Variants in METTL15 observed in about 807,000 individuals in gnomAD.
The protein encoded by METTL15 is 12S rRNA N(4)-cytidine methyltransferase METTL15.
A neutral mutation model predicts 38.3 loss-of-function variants in METTL15; 34 were observed. That is an observed-to-expected ratio of 0.89 (90% CI 0.68 to 1.18). METTL15 has a LOEUF of 1.18. Ranked by LOEUF, METTL15 falls within the 50% of genes most tolerant of loss-of-function variation. The pLI, the probability that METTL15 is intolerant of heterozygous loss-of-function variation, is 0.00. For synonymous variants in METTL15, 162 were observed against 170.9 expected (o/e 0.95, Z 0.41); for missense variants, 438 against 498.4 (o/e 0.88, Z 1.15).
At chr11:28,152,588 G>T (rs2133689814) in intron 3 of METTL15, among the ~76,000 whole-genome samples, 1 of 151,818 alleles carries the variant, frequency 6.6e-6, no homozygotes, top group South Asian at 2.1e-4. Context: ...TTTTGAAAAA[G>T]TAAAATACAG....
chr11:28,384,553 A>G (rs1421262951), intron 5 of METTL15, among the ~76,000 whole-genome samples: 3 of 152,002 alleles, frequency 2.0e-5, no homozygotes, highest in Admixed American at 2.0e-4. Flanking sequence ...CAGATGATGC[A>G]CTTGCCTTGG....
intron 6 of METTL15, among the ~76,000 whole-genome samples, chr11:28,438,969 GC>G (rs1449555476): frequency 1.8e-4 from 28 of 151,380 alleles, no homozygotes; most frequent in Non-Finnish European, 2.9e-5. Context: ...GAGCCACCGC[GC>G]CCAGCCAGAC....
At chr11:28,529,322 GCT>G (rs936962476), downstream of METTL15, among the ~76,000 whole-genome samples, 5 of 152,052 alleles carry the variant, frequency 3.3e-5, no homozygotes, top group Non-Finnish European at 7.4e-5. Flanking sequence ...AAGGGCAGAA[GCT>G]CTGTCATCTG....
chr11:28,254,849 T>C (rs1364969282), intron 4 of METTL15, among the ~76,000 whole-genome samples: 1 of 152,108 alleles, frequency 6.6e-6, no homozygotes, highest in East Asian at 1.9e-4. Flanking sequence ...CTGTTTAGGC[T>C]GTTTTGGTTA....
chr11:28,455,216 C>CTTTTTT (rs34686157), intron 6 of METTL15, among the ~76,000 whole-genome samples: 3 of 85,830 alleles, frequency 3.5e-5, no homozygotes, highest in African/African-American at 8.9e-5. Context: ...GATCAGCTAG[C>CTTTTTT]TTTTTTTTTT....
intron 6 of METTL15, among the ~76,000 whole-genome samples, chr11:28,445,084 AGT>A (rs1851064331): frequency 6.6e-6 from 1 of 152,130 alleles, no homozygotes; most frequent in South Asian, 2.1e-4. Flanking sequence ...ATGAGGATGA[AGT>A]GGAAAGCAGG....
chr11:28,352,991 G>A (rs1247779210), intron 4 of METTL15, among the ~76,000 whole-genome samples: 1 of 152,174 alleles, frequency 6.6e-6, no homozygotes, highest in Non-Finnish European at 1.5e-5. Context: ...ATTTTGTCAG[G>A]CATCAGTAGG....
intron 6 of METTL15, among the ~76,000 whole-genome samples, chr11:28,458,282 C>T (rs1411200929): frequency 6.6e-6 from 1 of 152,044 alleles, no homozygotes; most frequent in Non-Finnish European, 1.5e-5. Flanking sequence ...TTTATCTATT[C>T]TTTTTTCTTC....
At position 28,235,125 on chromosome 11, in the gene METTL15, G is replaced by A. The variant is rs1486222433; in HGVS notation, c.407+23927G>A. ...AATATCAGATAGTTGTAGATATGAG[G>A]CGTTATTTCTGAGGGGTCTGTTCTG... On this transcript the variant is annotated intron_variant, in intron 4 of 6. Coordinates refer to ENST00000407364, the MANE Select transcript of METTL15 (RefSeq NM_001113528.2). 2.6e-5 allele frequency among the ~76,000 whole-genome samples: 4 copies of A among 152,032 alleles called. No individual in the cohort carries two copies. In the South Asian group the frequency reaches 6.2e-4, roughly 24 times the overall value.
At chr11:28,407,372 G>A (rs1345214584) in intron 5 of METTL15, among the ~76,000 whole-genome samples, 1 of 152,124 alleles carries the variant, frequency 6.6e-6, no homozygotes, top group East Asian at 1.9e-4. Context: ...AGAGTGAATG[G>A]ACAACCTGTG....
intron 4 of METTL15, among the ~76,000 whole-genome samples, chr11:28,285,002 G>A (rs1436987310): frequency 1.3e-5 from 2 of 152,132 alleles, no homozygotes; most frequent in Admixed American, 6.6e-5. Flanking sequence ...CCCCCATGCT[G>A]TTCTGGTGAT....
At chr11:28,395,780 A>G (rs1221052044) in intron 5 of METTL15, among the ~76,000 whole-genome samples, 1 of 152,168 alleles carries the variant, frequency 6.6e-6, no homozygotes, top group East Asian at 1.9e-4. Context: ...AAAGCCGGGC[A>G]GAGACACAAC....
intron 4 of METTL15, among the ~76,000 whole-genome samples, chr11:28,278,494 A>G (rs1855926071): frequency 6.6e-6 from 1 of 152,276 alleles, no homozygotes; most frequent in Admixed American, 6.5e-5. Flanking sequence ...AGAAAATCAC[A>G]TTTTTATTTG....
chr11:28,173,233 C>A (rs1378215761), intron 3 of METTL15, among the ~76,000 whole-genome samples: 1 of 152,054 alleles, frequency 6.6e-6, no homozygotes, highest in African/African-American at 2.4e-5. Flanking sequence ...GCAATTCTTA[C>A]CTCCAGTGTG....
chr11:28,246,009 G>T lies in METTL15; in HGVS notation c.407+34811G>T, dbSNP rs766495333. Among the ~76,000 whole-genome samples the T allele has an allele frequency of 3.3e-5, 5 of 152,218 alleles. No individual in the cohort carries two copies. In the South Asian group the frequency reaches 8.3e-4, roughly 25 times the overall value. ...AGAGCCAAACCAAATCAGTAAGTAA[G>T]TATGATTATTTGAGAATAAAATAAA... On this transcript the variant is annotated intron_variant, in intron 4 of 6. Transcript: ENST00000407364.
intron 5 of METTL15, among the ~76,000 whole-genome samples, 175 bp from the exon 6 acceptor site, chr11:28,296,578 G>C (rs1243558328): frequency 1.3e-5 from 2 of 152,092 alleles, no homozygotes; most frequent in Non-Finnish European, 2.9e-5. Context: ...ATAATGATGG[G>C]TAGTTGAAAT....
intron 5 of METTL15, among the ~76,000 whole-genome samples, chr11:28,293,466 G>A (rs1358360170): frequency 6.6e-6 from 1 of 152,318 alleles, no homozygotes; most frequent in African/African-American, 2.4e-5. Context: ...TAGCCTTGTA[G>A]TATAGTTTGA....
intron 4 of METTL15, among the ~76,000 whole-genome samples, chr11:28,288,731 G>T (rs1456895831): frequency 6.6e-6 from 1 of 152,076 alleles, no homozygotes; most frequent in African/African-American, 2.4e-5. Flanking sequence ...TAATACCTGG[G>T]TGATGAAATA....
chr11:28,151,584 T>A (rs1590819021), intron 3 of METTL15, among the ~76,000 whole-genome samples: 1 of 152,020 alleles, frequency 6.6e-6, no homozygotes, highest in Admixed American at 6.6e-5. Context: ...CTGTCCATTC[T>A]TTCTTCCATG....
Sources: allele counts gnomAD v4.1 joint callset (sites outside exome capture counted in the v4.1 genomes callset), GRCh38; gene constraint gnomAD v4.1.1; transcripts MANE v1.5; gene names NCBI Gene and HGNC (gene_info 2026-07-23, HGNC 2026-07-21).